Variants in C21orf91 observed in about 807,000 individuals in gnomAD.
C21orf91 encodes the protein protein EURL homolog.
C21orf91 carries 26 observed loss-of-function variants against 32.9 expected under a neutral mutation model. The observed-to-expected ratio is 0.79, with a 90% confidence interval of 0.58 to 1.10. The LOEUF (loss-of-function observed/expected upper bound fraction) is 1.10, where lower values mean the gene tolerates loss of function less well. C21orf91 is among the 50% of genes least tolerant of loss of function. The pLI is 0.00. For synonymous variants in C21orf91, 126 were observed against 120.4 expected (o/e 1.05, Z -0.31); for missense variants, 310 against 341.3 (o/e 0.91, Z 0.72).
At chr21:17,802,857 T>A (rs1396904284) in intron 2 of C21orf91, among the ~76,000 whole-genome samples, 2 of 152,252 alleles carry the variant, frequency 1.3e-5, no homozygotes, top group Non-Finnish European at 2.9e-5. Context: ...TTAGACTATA[T>A]GTTGAATTGG....
intron 2 of C21orf91, among the ~76,000 whole-genome samples, chr21:17,816,280 G>A (rs2062664502): frequency 6.6e-6 from 1 of 152,088 alleles, no homozygotes; most frequent in South Asian, 2.1e-4. Context: ...GGTACCTAAG[G>A]TAATATTTGT....
At chr21:17,795,606 A>G (rs1325731170) in intron 3 of C21orf91, among the ~76,000 whole-genome samples, 1 of 151,862 alleles carries the variant, frequency 6.6e-6, no homozygotes, top group African/African-American at 2.4e-5. Flanking sequence ...CCTCCCTAGG[A>G]GCTGGAATCA....
chr21:17,792,717 ATAATG>A lies in C21orf91; in HGVS notation c.*693_*697del, dbSNP rs939298818. Reference sequence around the variant, plus strand: ...AGAACTGCTTTTGTTAGAAAACAAAATAATGTATTGTATTTACCTGAATACTGCTT... The same window carrying A: ...AGAACTGCTTTTGTTAGAAAACAAAATATTGTATTTACCTGAATACTGCTT... On this transcript the variant is annotated 3_prime_UTR_variant, in exon 5 of 5. Coordinates refer to ENST00000284881, the MANE Select transcript of C21orf91 (RefSeq NM_001100420.2). 6.6e-6 allele frequency: 1 copy of A among 152,590 alleles called. No individual in the cohort carries two copies. The highest frequency in any genetic ancestry group is 1.5e-5 in the Non-Finnish European group (1 of 68,014). The allele number at this position is 152,590 out of a possible 1,614,324, so 9.5% of individuals were successfully genotyped here.
rs1257270741 is a variant in C21orf91 at position 17,792,277 on chromosome 21, C to T, written c.*1138G>A. 2 of 152,152 alleles carry T rather than the reference C, an allele frequency of 1.3e-5. No individual in the cohort carries two copies. Among genetic ancestry groups the T allele is most frequent in the Non-Finnish European group, 2.9e-5 (2 of 67,972 alleles). 9.4% of individuals were successfully genotyped at this position (152,152 alleles called of 1,614,324 possible). A position where few individuals can be genotyped will look rare whatever the true frequency, so the allele number is the denominator to read the frequency against. On this transcript the variant is annotated 3_prime_UTR_variant, in exon 5 of 5. Transcript: ENST00000284881. ...AACTTACGAGAACATTCTCTTAATA[C>T]ATAGGTTTATTTTTTTTTAATTAGG... is the stretch of plus-strand genomic sequence containing the variant.
At chr21:17,806,385 T>G (rs2146256864) in intron 2 of C21orf91, among the ~76,000 whole-genome samples, 1 of 152,280 alleles carries the variant, frequency 6.6e-6, no homozygotes, top group African/African-American at 2.4e-5. Flanking sequence ...AAGGGAAAAG[T>G]TTTTTTCCTT....
At chr21:17,794,527 T>C (rs1257717775) in intron 4 of C21orf91, among the ~76,000 whole-genome samples, 1 of 152,224 alleles carries the variant, frequency 6.6e-6, no homozygotes, top group Admixed American at 6.5e-5. Flanking sequence ...TGGGAATGGA[T>C]GCAAGTAGAG....
intron 2 of C21orf91, chr21:17,814,057 G>C (rs1217909482): frequency 6.6e-6 from 1 of 152,122 alleles, no homozygotes; most frequent in African/African-American, 2.4e-5. Context: ...CCAATTATAG[G>C]AAGAGAGAAA....
At position 17,806,894 on chromosome 21, in the gene C21orf91, G is replaced by A. The variant is rs1489876822; in HGVS notation, c.128-9776C>T. 3.3e-5 allele frequency among the ~76,000 whole-genome samples: 5 copies of A among 152,068 alleles called. No homozygotes were observed. The South Asian group carries it at 1.0e-3, about 32-fold the overall frequency. ...TCCAAAAAAAAAAGAAGAGTGGGAG[G>A]TAGAAAAGACAGAGGCTGTAAGAAG... is the stretch of plus-strand genomic sequence containing the variant. On this transcript the variant is annotated intron_variant, in intron 2 of 4. Transcript: ENST00000284881.
chr21:17,807,440 C>T (rs1445821433), intron 2 of C21orf91, among the ~76,000 whole-genome samples: 1 of 152,082 alleles, frequency 6.6e-6, no homozygotes, highest in African/African-American at 2.4e-5. Context: ...TATAGCAATG[C>T]AAGAACCAAT....
At chr21:17,813,739 C>G (rs1301026128) in intron 2 of C21orf91, 3 of 152,208 alleles carry the variant, frequency 2.0e-5, no homozygotes, top group Admixed American at 2.0e-4. Flanking sequence ...ATCTGAAATG[C>G]TCCAATGAGC....
At chr21:17,809,916 G>C (rs2062621367) in intron 2 of C21orf91, among the ~76,000 whole-genome samples, 1 of 152,108 alleles carries the variant, frequency 6.6e-6, no homozygotes, top group Admixed American at 6.5e-5. Context: ...GTACAACTCA[G>C]ACAGTAACAG....
intron 1 of C21orf91, chr21:17,818,767 G>A (rs1347462424): frequency 1.3e-5 from 2 of 153,262 alleles, no homozygotes; most frequent in African/African-American, 4.8e-5. Context: ...TTCATTGGGG[G>A]AACCTCAGAT....
At position 17,809,522 on chromosome 21, in the gene C21orf91, T is replaced by C. The variant is rs375587586; in HGVS notation, c.127+8670A>G. ...CATTCATTAAGTTCATGGTAGATAT[T>C]ATTCCACCAGTATACGTTTAGGACA... On this transcript the variant is annotated intron_variant, in intron 2 of 4. Coordinates refer to ENST00000284881, the MANE Select transcript of C21orf91 (RefSeq NM_001100420.2). Among the ~76,000 whole-genome samples, 199 of 152,332 alleles carry C rather than the reference T, an allele frequency of 1.3e-3. 1 individual carries two copies. The highest frequency in any genetic ancestry group is 4.4e-3 in the African/African-American group (183 of 41,572).
At chr21:17,814,588 T>A (rs1186136413) in intron 2 of C21orf91, among the ~76,000 whole-genome samples, 1 of 152,036 alleles carries the variant, frequency 6.6e-6, no homozygotes, top group Non-Finnish European at 1.5e-5. Flanking sequence ...GAACTCACAA[T>A]CAGGGCAGAA....
intron 2 of C21orf91, among the ~76,000 whole-genome samples, chr21:17,815,313 G>C (rs2062658208): frequency 6.6e-6 from 1 of 152,096 alleles, no homozygotes; most frequent in Admixed American, 6.5e-5. Context: ...TCGGAGAAGA[G>C]TGCTTTAGAC....
At chr21:17,804,494 T>TA (rs1482641671) in intron 2 of C21orf91, among the ~76,000 whole-genome samples, 3 of 152,238 alleles carry the variant, frequency 2.0e-5, no homozygotes, top group African/African-American at 7.2e-5. Flanking sequence ...GTACCCAACA[T>TA]ACCGTTTAAA....
chr21:17,806,626 G>A (rs1416787958), intron 2 of C21orf91, among the ~76,000 whole-genome samples: 6 of 152,170 alleles, frequency 3.9e-5, no homozygotes, highest in African/African-American at 1.2e-4. Flanking sequence ...ATCACCCTGA[G>A]GTCAGGAGTT....
intron 2 of C21orf91, among the ~76,000 whole-genome samples, chr21:17,807,473 G>A (rs2062604972): frequency 6.6e-6 from 1 of 152,176 alleles, no homozygotes; most frequent in Non-Finnish European, 1.5e-5. Flanking sequence ...TACTGGGAAT[G>A]GGGCATTGCT....
At chr21:17,800,803 CT>C (rs529179711) in intron 2 of C21orf91, among the ~76,000 whole-genome samples, 127 of 152,092 alleles carry the variant, frequency 8.4e-4, no homozygotes, top group African/African-American at 2.8e-3. Flanking sequence ...ATCCATGTCA[CT>C]TTTTTTTAAA....
Sources: allele counts gnomAD v4.1 joint callset (sites outside exome capture counted in the v4.1 genomes callset), GRCh38; gene constraint gnomAD v4.1.1; transcripts MANE v1.5; gene names NCBI Gene and HGNC (gene_info 2026-07-23, HGNC 2026-07-21).